MACF1: variants seen among roughly 807,000 people sequenced by gnomAD.
MACF1 encodes microtubule actin crosslinking factor 1.
In MACF1, 193 loss-of-function variants were observed where a neutral mutation model predicts 854.8. The observed-to-expected ratio is 0.23, with a 90% CI of 0.20 to 0.25. MACF1 has a LOEUF of 0.25. Ranked by LOEUF, MACF1 falls within the 10% of genes least tolerant of loss-of-function variation. The probability of loss-of-function intolerance (pLI) is 1.00; values close to 1 mark genes in which losing one functional copy is unlikely to be tolerated. For synonymous variants in MACF1, 3,185 were observed against 3,226.7 expected, an observed-to-expected ratio of 0.99 and a Z score of 0.44; for missense variants, 7,722 against 8,929.1, an observed-to-expected ratio of 0.86 and a Z score of 5.45.
At chr1:39,230,156 G>A (rs534666085) in intron 1 of MACF1, among the ~76,000 whole-genome samples, 1 of 152,172 alleles carries the variant, frequency 6.6e-6, no homozygotes, top group Non-Finnish European at 1.5e-5. Flanking sequence ...ACTGATAATG[G>A]TAAGTGCTAA....
intron 2 of MACF1, among the ~76,000 whole-genome samples, chr1:39,236,280 T>C (rs1644858747): frequency 6.6e-6 from 1 of 152,194 alleles, no homozygotes; most frequent in South Asian, 2.1e-4. Flanking sequence ...CTGCCTACCT[T>C]TCCAGGCTCA....
chr1:39,085,175 A>G (rs537684057), intron 2 of MACF1, among the ~76,000 whole-genome samples: 1 of 152,198 alleles, frequency 6.6e-6, no homozygotes, highest in African/African-American at 2.4e-5. Context: ...CAAGTCCCTT[A>G]TTCTTTCTCA....
chr1:39,395,114 GC>G (rs752517600), intron 58 of MACF1, among the ~76,000 whole-genome samples: 1 of 152,174 alleles, frequency 6.6e-6, no homozygotes, highest in Non-Finnish European at 1.5e-5. Flanking sequence ...CACCACCTCT[GC>G]CTGCCACTAT....
Position 39,185,156 on chromosome 1 carries a change from G to C in MACF1, c.221-46026G>C, listed in dbSNP as rs567690090. ...AATACAAAAAAATTAGCTGGGCGTG[G>C]TGGCGGGTGCCTGTAGTCCCAGCTA... On this transcript the variant is annotated intron_variant, in intron 2 of 93. Coordinates refer to the MACF1 transcript ENST00000361689. 8.3e-4 allele frequency among the ~76,000 whole-genome samples: 126 copies of C among 152,228 alleles called. 1 individual carries two copies. Among genetic ancestry groups the C allele is most frequent in the African/African-American group, 2.6e-3 (109 of 41,558 alleles).
At position 39,105,636 on chromosome 1, in the gene MACF1, G is replaced by C; in HGVS notation, c.220+21198G>C. On this transcript the variant is annotated intron_variant, in intron 2 of 93. Transcript: ENST00000361689. The surrounding 1 kb of genome is among the most constrained non-coding windows in gnomAD (Gnocchi z 5.9). Reference sequence around the variant, plus strand: ...GGTGCGGGCGGCCATGGCCGGCTACGTGCCGGGTCAGCAGCCGGCCAACCG... The same window carrying C: ...GGTGCGGGCGGCCATGGCCGGCTACCTGCCGGGTCAGCAGCCGGCCAACCG... 2 of 1,232,114 alleles carry C rather than the reference G, an allele frequency of 1.6e-6. No homozygotes were observed. The highest frequency in any genetic ancestry group is 2.1e-6 in the Non-Finnish European group (2 of 960,612). The allele number at this position is 1,232,114 out of a possible 1,614,324, so 76.3% of individuals were successfully genotyped here.
Position 39,310,290 on chromosome 1 carries a change from C to T in MACF1, c.2962C>T (p.Leu988Phe). ...PGECHQIMKN[L>F]QAHYEDFLQD... ...GGAGTGCCATCAGATTATGAAGAACCTTCAGGCCCACTATGAAGACTTTCT... is the reference window on the plus strand; with the variant it reads ...GGAGTGCCATCAGATTATGAAGAACTTTCAGGCCCACTATGAAGACTTTCT... Residue 988 changes from leucine (L) to phenylalanine (F), a missense_variant, in exon 25 of 101, where the codon CTT becomes TTT. Transcript: ENST00000564288. The T allele has an allele frequency of 6.2e-7, 1 of 1,614,148 alleles. No homozygotes were observed.
chr1:39,447,007 A>C (rs945106257), intron 80 of MACF1, among the ~76,000 whole-genome samples: 29 of 152,344 alleles, frequency 1.9e-4, no homozygotes, highest in African/African-American at 7.0e-4. Flanking sequence ...CATCATCTTC[A>C]TAGTAAATTG....
chr1:39,286,506 G>A (rs1645647147), intron 14 of MACF1, among the ~76,000 whole-genome samples: 2 of 150,670 alleles, frequency 1.3e-5, no homozygotes, highest in African/African-American at 4.9e-5. Context: ...TTGCTCTGTA[G>A]CCCAGGATGG....
chr1:39,278,946 A>G (rs1537815), intron 6 of MACF1, among the ~76,000 whole-genome samples: 91,303 of 152,150 alleles, frequency 0.6, 29,472 homozygotes, highest in South Asian at 0.78. Flanking sequence ...ATGTGAATTT[A>G]TTAATTTACA....
chr1:39,240,863 T>G (rs1644913898), intron 2 of MACF1, among the ~76,000 whole-genome samples: 1 of 152,224 alleles, frequency 6.6e-6, no homozygotes, highest in African/African-American at 2.4e-5. Flanking sequence ...GGTACCACTG[T>G]TAAATTTCTC....
intron 100 of MACF1, 174 bp from the exon 101 acceptor site, chr1:39,485,364 A>G: frequency 2.9e-6 from 2 of 698,172 alleles, no homozygotes; most frequent in Admixed American, 3.1e-5. Flanking sequence ...CTCAAGTAGA[A>G]TCACAAAGCC....
chr1:39,432,360 A>T (rs1643889740), intron 66 of MACF1, among the ~76,000 whole-genome samples, 175 bp from the exon 67 acceptor site: 1 of 152,214 alleles, frequency 6.6e-6, no homozygotes, highest in South Asian at 2.1e-4. Context: ...GGTCAGTTTT[A>T]ACTTGTTTGC....
intron 40 of MACF1, among the ~76,000 whole-genome samples, chr1:39,345,402 G>GTTA (rs1360293382): frequency 6.6e-6 from 1 of 152,026 alleles, no homozygotes; most frequent in African/African-American, 2.4e-5. Context: ...TTAAGCCCGG[G>GTTA]AGTTTGAGAC....
In MACF1 at chr1:39,436,065, C is replaced by G. The variant is rs774240503; in HGVS notation, c.17988+304C>G. ...TTTGGATAAATTTACCTTGCAGATT[C>G]AAAAGCAGTGACTGCCTCAAAAAAG... On this transcript the variant is annotated intron_variant, in intron 70 of 100. Coordinates refer to ENST00000564288, the MANE Select transcript of MACF1 (RefSeq NM_001394062.1). 244 of 410,798 alleles carry G rather than the reference C, an allele frequency of 5.9e-4. 1 individual carries two copies. Among genetic ancestry groups the G allele is most frequent in the Non-Finnish European group, 7.6e-4 (176 of 231,710 alleles). 25.4% of individuals were successfully genotyped at this position (410,798 alleles called of 1,614,324 possible).
At position 39,190,367 on chromosome 1, in the gene MACF1, T is replaced by A. The variant is rs1644236102; in HGVS notation, c.221-40815T>A. ...GTCTTTTCTTTCTTTCTTTCTCTTC[T>A]TTTGTGTGTGTGTGTGTGTGTGTGT... is the stretch of plus-strand genomic sequence containing the variant. On this transcript the variant is annotated intron_variant, in intron 2 of 93. Coordinates refer to the MACF1 transcript ENST00000361689. Among the ~76,000 whole-genome samples, 3 of 136,552 alleles carry A rather than the reference T, an allele frequency of 2.2e-5. No individual in the cohort carries two copies. The South Asian group carries it at 7.3e-4, about 33-fold the overall frequency. The allele number at this position is 136,552 out of a possible 152,430, so 89.6% of individuals were successfully genotyped here.
chr1:39,392,132 G>A (rs544556446), intron 58 of MACF1, among the ~76,000 whole-genome samples: 2 of 152,180 alleles, frequency 1.3e-5, no homozygotes, highest in South Asian at 4.1e-4. Flanking sequence ...AAAAGCTTTG[G>A]AAAGAGTTTT....
chr1:39,250,285 T>C, intron 3 of MACF1, 182 bp downstream of exon 3: 1 of 417,780 alleles, frequency 2.4e-6, no homozygotes, highest in Non-Finnish European at 4.2e-6. Flanking sequence ...AATTATATAA[T>C]TTAAATTGAT....
At chr1:39,090,202 C>T (rs749596134) in intron 2 of MACF1, among the ~76,000 whole-genome samples, 1 of 152,228 alleles carries the variant, frequency 6.6e-6, no homozygotes, top group Non-Finnish European at 1.5e-5. Flanking sequence ...CTTCCTTGCC[C>T]TGAGGCTCTT....
At chr1:39,360,232 G>C (rs959574185) in intron 47 of MACF1, among the ~76,000 whole-genome samples, 3 of 151,038 alleles carry the variant, frequency 2.0e-5, no homozygotes, top group African/African-American at 4.9e-5. Context: ...CTCCTCAAAA[G>C]AAACGAAAGA....
Sources: gnomAD v4.1 joint callset for allele counts (sites outside exome capture counted in the v4.1 genomes callset) on GRCh38, gnomAD v4.1.1 for gene constraint, Gnocchi (gnomAD v3.1) non-coding constraint, MANE v1.5 for transcripts, NCBI Gene and HGNC (gene_info 2026-07-23, HGNC 2026-07-21) for gene names.